KDM3B: variants seen among roughly 807,000 people sequenced by gnomAD.
KDM3B encodes the protein lysine-specific demethylase 3B.
In KDM3B, 10 loss-of-function variants were observed where a neutral mutation model predicts 170.0. The ratio of observed to expected loss-of-function variants is 0.06; its 90% confidence interval spans 0.04 to 0.10. The LOEUF is 0.10. KDM3B is among the 10% of genes least tolerant of loss of function. KDM3B has a pLI of 1.00. For missense variants in KDM3B, 1,394 were observed against 2,195.2 expected (o/e 0.64, Z 7.29); for synonymous variants, 831 against 834.8 (o/e 1.00, Z 0.08).
chr5:138,374,262 T>TTTGTTG (rs768960805), intron 2 of KDM3B: 1 of 441,166 alleles, frequency 2.3e-6, no homozygotes, highest in Admixed American at 2.5e-5. Context: ...TTCATTTGTT[T>TTTGTTG]TTGTTGTTGT....
chr5:138,384,251 AAAAAAAAAAAGTC>A (rs1171419163), intron 6 of KDM3B, among the ~76,000 whole-genome samples: 2 of 151,738 alleles, frequency 1.3e-5, no homozygotes, highest in African/African-American at 4.8e-5. Flanking sequence ...GACTTAAAAA[AAAAAAAAAAAGTC>A]AAAAGAAAAC....
At position 138,363,087 on chromosome 5, in the gene KDM3B, A is replaced by G. The variant is rs530505828; in HGVS notation, c.193-9587A>G. On this transcript the variant is annotated intron_variant, in intron 1 of 23. Transcript: ENST00000314358. ...CTTAAACTGCTGACTGTTTATTTCA[A>G]TCACCTAACCCTCAGAAGGTAGAGG... Among the ~76,000 whole-genome samples the G allele has an allele frequency of 6.4e-4, 98 of 152,108 alleles. 1 individual carries two copies. In the Middle Eastern group the frequency reaches 0.017, roughly 26 times the overall value.
intron 7 of KDM3B, among the ~76,000 whole-genome samples, chr5:138,390,400 A>G (rs941710004): frequency 6.6e-6 from 1 of 152,214 alleles, no homozygotes; most frequent in Non-Finnish European, 1.5e-5. Flanking sequence ...TGAAGTAGAT[A>G]TTCAACTTGT....
chr5:138,356,529 A>C (rs1391824233), intron 1 of KDM3B, among the ~76,000 whole-genome samples: 1 of 150,766 alleles, frequency 6.6e-6, no homozygotes, highest in Admixed American at 6.6e-5. Flanking sequence ...TCTTTTGCTC[A>C]TTTGAGAAAA....
At chr5:138,417,435 A>G in intron 12 of KDM3B, 48 bp from the exon 13 acceptor site, 1 of 1,577,754 alleles carries the variant, frequency 6.3e-7, no homozygotes, top group East Asian at 2.2e-5. Context: ...AATATGTGGC[A>G]TATATGAGTA....
At position 138,393,214 on chromosome 5, in the gene KDM3B, G is replaced by A. The variant is rs1278981770; in HGVS notation, c.2673G>A (p.Leu891=). 1 of 1,614,194 alleles carries A rather than the reference G, an allele frequency of 6.2e-7. No homozygotes were observed. The part of the protein sequence containing the change: ...VLKDVSKVKK[L]KQSGEPFLQD... ...AAGATGTAAGCAAAGTGAAGAAGCT[G>A]AAGCAATCTGGAGAGCCCTTCCTGC... Residue 891 remains leucine, a synonymous_variant, in exon 9 of 24, where the codon CTG becomes CTA. Transcript: ENST00000314358.
chr5:138,430,715 A>G (rs769989623), intron 22 of KDM3B, among the ~76,000 whole-genome samples: 2 of 151,986 alleles, frequency 1.3e-5, no homozygotes, highest in Non-Finnish European at 2.9e-5. Context: ...ACATGGTGAA[A>G]CCCCATCTCT....
At chr5:138,367,761 TC>T (rs911838318) in intron 1 of KDM3B, among the ~76,000 whole-genome samples, 20 of 152,260 alleles carry the variant, frequency 1.3e-4, no homozygotes, top group Admixed American at 1.0e-3. Flanking sequence ...ACCCCTGTAA[TC>T]CCAGCGCTTT....
At position 138,381,628 on chromosome 5, in the gene KDM3B, G is replaced by A. The variant is rs748890278; in HGVS notation, c.780+38G>A. 9.3e-6 allele frequency: 12 copies of A among 1,292,220 alleles called. No individual in the cohort carries two copies. In the East Asian group the frequency reaches 2.5e-4, roughly 27 times the overall value. 80.0% of individuals were successfully genotyped at this position (1,292,220 alleles called of 1,614,324 possible). A position where few individuals can be genotyped will look rare whatever the true frequency, so the allele number is the denominator to read the frequency against. On this transcript the variant is annotated intron_variant, in intron 6 of 23. Coordinates refer to ENST00000314358, the MANE Select transcript of KDM3B (RefSeq NM_016604.4). Reference sequence around the variant, plus strand: ...ACTGCATTCCTGAGCAGACTCATGAGCTTGCATTATCTTGCTGTGTGTAGA... The same window carrying A: ...ACTGCATTCCTGAGCAGACTCATGAACTTGCATTATCTTGCTGTGTGTAGA...
Position 138,434,681 on chromosome 5 carries a change from CAGATAT to C in KDM3B, c.5206-931_5206-926del, listed in dbSNP as rs200732156. Among the ~76,000 whole-genome samples the C allele has an allele frequency of 8.5e-3, 1,293 of 152,160 alleles. 17 individuals carry two copies. Among genetic ancestry groups the C allele is most frequent in the African/African-American group, 0.029 (1,203 of 41,482 alleles). On this transcript the variant is annotated intron_variant, in intron 23 of 23. Transcript: ENST00000314358. ...ACCATCTGAGATATAGCTATAGATA[CAGATAT>C]AGATATATTTTTTTAATCTGTTACT...
intron 15 of KDM3B, among the ~76,000 whole-genome samples, chr5:138,423,638 A>G (rs931908105): frequency 1.1e-4 from 16 of 152,144 alleles, no homozygotes; most frequent in African/African-American, 3.9e-4. Flanking sequence ...CATTGCCTTG[A>G]TAAGTCACTT....
intron 2 of KDM3B, 109 bp downstream of exon 2, chr5:138,372,950 G>A: frequency 3.1e-6 from 3 of 959,856 alleles, no homozygotes; most frequent in Non-Finnish European, 4.3e-6. Flanking sequence ...TGTCCTTAAC[G>A]TACATTTATT....
intron 6 of KDM3B, among the ~76,000 whole-genome samples, chr5:138,382,560 A>C (rs1400774060): frequency 1.3e-5 from 2 of 152,116 alleles, no homozygotes; most frequent in Non-Finnish European, 2.9e-5. Flanking sequence ...GTATCTTGGC[A>C]CCTCTGTAAT....
intron 1 of KDM3B, among the ~76,000 whole-genome samples, chr5:138,356,923 C>T (rs925840503): frequency 1.3e-5 from 2 of 152,084 alleles, no homozygotes; most frequent in African/African-American, 2.4e-5. Flanking sequence ...GGATTACAGG[C>T]GTGAGCCACC....
chr5:138,421,110 T>C (rs1278748400), intron 15 of KDM3B, 148 bp downstream of exon 15: 1 of 918,448 alleles, frequency 1.1e-6, no homozygotes, highest in Non-Finnish European at 1.6e-6. Context: ...TTGGGAATCT[T>C]TTTAAGTAGT....
chr5:138,419,073 A>G lies in KDM3B; in HGVS notation c.3556A>G (p.Ile1186Val), dbSNP rs1484690990. 3 of 1,614,132 alleles carry G rather than the reference A, an allele frequency of 1.9e-6. No homozygotes were observed. The highest frequency in any genetic ancestry group is 2.5e-6 in the Non-Finnish European group (3 of 1,180,052). The change falls in exon 14 of 24, where the codon ATC (isoleucine) becomes GTC (valine). Residue 1186 changes from isoleucine to valine, a missense_variant. This residue lies in a region of KDM3B where 87 missense variants were observed against 83.3 expected (regional missense o/e 1.04). Coordinates refer to ENST00000314358, the MANE Select transcript of KDM3B (RefSeq NM_016604.4). ...DHVPKADSTD[I>V]RSEEPLKTDS... ...TGTTCCCAAAGCCGACAGCACTGAC[A>G]TCAGATCTGAAGAGCCTCTGAAAAC...
chr5:138,430,327 C>T lies in KDM3B; in HGVS notation c.4972C>T (p.Leu1658Phe). ...HDQSWYLDQT[L>F]RKRLYEEYGV... Reference sequence around the variant, plus strand: ...CCAAAGTTGGTACCTGGACCAGACCCTCCGTAAGCGACTCTATGAGGAGTA... The same window carrying T: ...CCAAAGTTGGTACCTGGACCAGACCTTCCGTAAGCGACTCTATGAGGAGTA... The change falls in exon 22 of 24, where the codon CTC becomes TTC. Residue 1658 changes from leucine to phenylalanine, a missense_variant. Leu to Phe is a conservative substitution (Grantham distance 22). This residue lies in a region of KDM3B where 79 missense variants were observed against 270.5 expected (regional missense o/e 0.29). Coordinates refer to ENST00000314358, the MANE Select transcript of KDM3B (RefSeq NM_016604.4). 6.2e-7 allele frequency: 1 copy of T among 1,614,148 alleles called. No individual in the cohort carries two copies. Among genetic ancestry groups the T allele is most frequent in the Non-Finnish European group, 8.5e-7 (1 of 1,180,004 alleles).
At chr5:138,394,952 T>A (rs1762513070) in intron 9 of KDM3B, among the ~76,000 whole-genome samples, 1 of 151,954 alleles carries the variant, frequency 6.6e-6, no homozygotes, top group Admixed American at 6.6e-5. Flanking sequence ...TTCTGATGAA[T>A]TAGATGTGAA....
At chr5:138,407,519 GT>G (rs1762853445) in intron 11 of KDM3B, among the ~76,000 whole-genome samples, 1 of 151,994 alleles carries the variant, frequency 6.6e-6, no homozygotes, top group South Asian at 2.1e-4. Context: ...GTGTGTCCGT[GT>G]CCAAAATTTT....
Sources: allele counts gnomAD v4.1 joint callset (sites outside exome capture counted in the v4.1 genomes callset), GRCh38; gene constraint gnomAD v4.1.1; regional missense constraint gnomAD v4.1.1; transcripts MANE v1.5; gene names NCBI Gene and HGNC (gene_info 2026-07-23, HGNC 2026-07-21).